The following LDAH variants were observed in gnomAD, a reference collection of about 807,000 sequenced individuals.
LDAH encodes the protein lipid droplet-associated hydrolase.
In LDAH, 26 loss-of-function variants were observed where a neutral mutation model predicts 29.6. That is an observed-to-expected ratio of 0.88 (90% CI 0.64 to 1.22). LDAH has a LOEUF of 1.22. Ranked by LOEUF, LDAH falls within the 50% of genes most tolerant of loss-of-function variation. LDAH has a pLI of 0.00. For missense variants in LDAH, 344 were observed against 387.3 expected (o/e 0.89, Z 0.94); for synonymous variants, 117 against 133.0 (o/e 0.88, Z 0.83).
At chr2:20,822,130 T>C (rs1572708965) in intron 1 of LDAH, among the ~76,000 whole-genome samples, 3 of 50 alleles carry the variant, frequency 0.06, no homozygotes, top group South Asian at 0.3. Context: ...CTATCAACTC[T>C]TTTTTTTTTT....
chr2:20,756,713 T>G (rs1668368027), intron 4 of LDAH, among the ~76,000 whole-genome samples: 1 of 151,654 alleles, frequency 6.6e-6, no homozygotes, highest in Non-Finnish European at 1.5e-5. Context: ...GAAAAGAAAA[T>G]AAATCAAGAA....
intron 6 of LDAH, among the ~76,000 whole-genome samples, chr2:20,693,635 A>G (rs1395177932): frequency 2.0e-5 from 3 of 152,216 alleles, no homozygotes; most frequent in Non-Finnish European, 2.9e-5. Flanking sequence ...TTTTCCTCAT[A>G]AAGGAGACCT....
chr2:20,796,781 C>G (rs1421143105), intron 2 of LDAH, among the ~76,000 whole-genome samples: 1 of 152,112 alleles, frequency 6.6e-6, no homozygotes, highest in Non-Finnish European at 1.5e-5. Context: ...ACTTCTGATC[C>G]TGACACCAAC....
intron 6 of LDAH, among the ~76,000 whole-genome samples, chr2:20,688,914 C>T (rs1201422921): frequency 3.4e-5 from 5 of 147,556 alleles, no homozygotes; most frequent in East Asian, 4.0e-4. Flanking sequence ...TAGGTATACA[C>T]GTGCCACGGT....
chr2:20,755,006 G>A (rs1668234050), intron 4 of LDAH, among the ~76,000 whole-genome samples: 1 of 152,210 alleles, frequency 6.6e-6, no homozygotes, highest in East Asian at 1.9e-4. Context: ...TAACTGTACT[G>A]TGGTTGATTA....
intron 5 of LDAH, among the ~76,000 whole-genome samples, chr2:20,706,233 G>A (rs1664296485): frequency 1.3e-5 from 2 of 152,206 alleles, no homozygotes; most frequent in South Asian, 4.2e-4. Context: ...AAAAAGTTTG[G>A]GGAACACCAT....
intron 5 of LDAH, among the ~76,000 whole-genome samples, chr2:20,705,157 G>A (rs576171248): frequency 6.6e-6 from 1 of 152,276 alleles, no homozygotes; most frequent in South Asian, 2.1e-4. Context: ...TTTCCCACAT[G>A]AATCACATAG....
intron 3 of LDAH, among the ~76,000 whole-genome samples, chr2:20,788,134 A>G (rs1468605486): frequency 6.6e-6 from 1 of 152,210 alleles, no homozygotes; most frequent in African/African-American, 2.4e-5. Context: ...ATAACTTTTT[A>G]ATCTAAAAAT....
chr2:20,783,239 T>C (rs1164542950), intron 3 of LDAH, among the ~76,000 whole-genome samples: 1 of 152,216 alleles, frequency 6.6e-6, no homozygotes, highest in Non-Finnish European at 1.5e-5. Context: ...TGGCCCGGAA[T>C]GTAGTCTATC....
At chr2:20,791,384 G>GT (rs2125074957) in intron 2 of LDAH, among the ~76,000 whole-genome samples, 1 of 152,250 alleles carries the variant, frequency 6.6e-6, no homozygotes, top group East Asian at 1.9e-4. Context: ...GTGAATCAAT[G>GT]TACAAAGCAT....
rs1427316306 is a variant in LDAH at position 20,686,015 on chromosome 2, T to G, written c.*888A>C. ...AAGTAGCTAAGAACTCCATCCTCAA[T>G]GGCTAGCACACTATTTGGCTCATTG... On this transcript the variant is annotated 3_prime_UTR_variant, in exon 7 of 7. Coordinates refer to ENST00000237822, the MANE Select transcript of LDAH (RefSeq NM_021925.4). The G allele has an allele frequency of 5.4e-6, 1 of 185,320 alleles. No individual in the cohort carries two copies. The highest frequency in any genetic ancestry group is 2.4e-5 in the African/African-American group (1 of 42,180). The allele number at this position is 185,320 out of a possible 1,614,324, so 11.5% of individuals were successfully genotyped here.
chr2:20,758,641 C>T (rs1315751505), intron 4 of LDAH, among the ~76,000 whole-genome samples: 2 of 151,972 alleles, frequency 1.3e-5, no homozygotes, highest in African/African-American at 4.8e-5. Flanking sequence ...AAAGTGTTAC[C>T]AAAGGAAGGA....
intron 5 of LDAH, among the ~76,000 whole-genome samples, chr2:20,737,501 T>C (rs1406291634): frequency 6.6e-6 from 1 of 152,182 alleles, no homozygotes; most frequent in Non-Finnish European, 1.5e-5. Context: ...GTGGAGAGTT[T>C]TACATATATT....
At chr2:20,818,390 G>A (rs747303554) in intron 1 of LDAH, among the ~76,000 whole-genome samples, 9 of 152,120 alleles carry the variant, frequency 5.9e-5, no homozygotes, top group Non-Finnish European at 1.0e-4. Context: ...ATATAAACTT[G>A]AAAACATACA....
chr2:20,772,813 G>A (rs1231934623), intron 4 of LDAH, among the ~76,000 whole-genome samples: 1 of 152,168 alleles, frequency 6.6e-6, no homozygotes, highest in African/African-American at 2.4e-5. Context: ...CTGAATGAAG[G>A]CTCTCTGTCC....
intron 5 of LDAH, among the ~76,000 whole-genome samples, chr2:20,703,388 T>C (rs573123097): frequency 6.6e-6 from 1 of 152,372 alleles, no homozygotes; most frequent in Admixed American, 6.5e-5. Flanking sequence ...TGATAACTTA[T>C]TGATTACCCT....
intron 2 of LDAH, among the ~76,000 whole-genome samples, chr2:20,798,097 C>T (rs1253098291): frequency 6.6e-6 from 1 of 152,232 alleles, no homozygotes; most frequent in Non-Finnish European, 1.5e-5. Flanking sequence ...TTAACGCCCT[C>T]CATTTTCCTC....
intron 6 of LDAH, among the ~76,000 whole-genome samples, chr2:20,696,317 G>T (rs1431297720): frequency 6.6e-6 from 1 of 152,194 alleles, no homozygotes. Context: ...GGCTAAGAGG[G>T]ATGGGGAGAG....
chr2:20,746,786 ACTATCT>A (rs1466003904), intron 4 of LDAH, among the ~76,000 whole-genome samples: 1 of 152,134 alleles, frequency 6.6e-6, no homozygotes, highest in Admixed American at 6.6e-5. Context: ...TTCTTATGTT[ACTATCT>A]CATTAAAAAA....
Sources: gnomAD v4.1 joint callset for allele counts (sites outside exome capture counted in the v4.1 genomes callset) on GRCh38, gnomAD v4.1.1 for gene constraint, MANE v1.5 for transcripts, NCBI Gene and HGNC (gene_info 2026-07-23, HGNC 2026-07-21) for gene names.